The following PHTF2 variants were observed in gnomAD, a reference collection of about 807,000 sequenced individuals.
PHTF2 encodes the protein protein PHTF2.
In PHTF2, 60 loss-of-function variants were observed where a neutral mutation model predicts 101.2. The ratio of observed to expected loss-of-function variants is 0.59; its 90% confidence interval spans 0.48 to 0.73. The LOEUF (loss-of-function observed/expected upper bound fraction) is 0.73. Ranked by LOEUF, PHTF2 falls within the 30% of genes least tolerant of loss-of-function variation. The probability of loss-of-function intolerance (pLI) is 0.00; values close to 1 mark genes in which losing one functional copy is unlikely to be tolerated. For missense variants in PHTF2, 747 were observed against 908.7 expected, an observed-to-expected ratio of 0.82 and a Z score of 2.29; for synonymous variants, 311 against 307.3, an observed-to-expected ratio of 1.01 and a Z score of -0.13.
At chr7:77,827,134 TA>T (rs1794746204) in intron 1 of PHTF2, among the ~76,000 whole-genome samples, 1 of 152,200 alleles carries the variant, frequency 6.6e-6, no homozygotes, top group Non-Finnish European at 1.5e-5. Context: ...AACATGTAGA[TA>T]AAAGTTAAAA....
At chr7:77,847,541 A>G (rs1178436911) in intron 2 of PHTF2, among the ~76,000 whole-genome samples, 1 of 152,210 alleles carries the variant, frequency 6.6e-6, no homozygotes, top group African/African-American at 2.4e-5. Context: ...TTGTGACAGA[A>G]TAAGTCAACT....
At chr7:77,804,087 A>T (rs1286362372) in intron 1 of PHTF2, among the ~76,000 whole-genome samples, 5 of 152,212 alleles carry the variant, frequency 3.3e-5, no homozygotes, top group African/African-American at 1.2e-4. Flanking sequence ...TTCTTTGACA[A>T]GGAAAAGCTA....
Position 77,910,240 on chromosome 7 carries a change from T to C in PHTF2, c.612-5T>C, listed in dbSNP as rs775500371. ...GCCTTCCATTCTTAATCTCTTCTGA[T>C]GAAGGAAATTAAGAAAAGCAGCCCA... is the stretch of plus-strand genomic sequence containing the variant. On this transcript the variant is annotated splice_region_variant and splice_polypyrimidine_tract_variant and intron_variant, in intron 8 of 19. Coordinates refer to ENST00000416283, the Ensembl canonical transcript of PHTF2. The C allele has an allele frequency of 3.1e-6, 5 of 1,609,266 alleles. No homozygotes were observed. The highest frequency in any genetic ancestry group is 4.2e-6 in the Non-Finnish European group (5 of 1,177,414).
rs1386451652 is a variant in PHTF2 at position 77,929,248 on chromosome 7, G to T, written c.1259G>T (p.Cys420Phe). Residue 420 changes from cysteine (C) to phenylalanine (F), a missense_variant, in exon 12 of 20, where the codon TGT becomes TTT. Cys to Phe is a radical substitution (Grantham distance 205). Coordinates refer to ENST00000416283, the Ensembl canonical transcript of PHTF2. ...CATTGTGCAGAATGCCATTCATCTTGTACCAGTGAGACAGATGTGGAAAAT... is the reference window on the plus strand; with the variant it reads ...CATTGTGCAGAATGCCATTCATCTTTTACCAGTGAGACAGATGTGGAAAAT... 3 of 1,610,802 alleles carry T rather than the reference G, an allele frequency of 1.9e-6. No homozygotes were observed. In the Admixed American group the frequency reaches 5.0e-5, roughly 27 times the overall value.
exon 11 of PHTF2, chr7:77,922,665 A>T: frequency 6.2e-7 from 1 of 1,610,856 alleles, no homozygotes; most frequent in Non-Finnish European, 8.5e-7. Flanking sequence ...TGAAGTCTCC[A>T]GTGAGGAAGG....
At position 77,893,976 on chromosome 7, in the gene PHTF2, G is replaced by A. The variant is rs1562923970; in HGVS notation, c.205-6G>A. 1 of 1,597,188 alleles carries A rather than the reference G, an allele frequency of 6.3e-7. No homozygotes were observed. Among genetic ancestry groups the A allele is most frequent in the Non-Finnish European group, 8.6e-7 (1 of 1,164,916 alleles). ...TCCCTTTTGATGCTGTCATTGCTCT[G>A]TACAGTTTATTAAACTGGTAAGTGT... On this transcript the variant is annotated splice_region_variant and splice_polypyrimidine_tract_variant and intron_variant, in intron 4 of 19. Transcript: ENST00000416283.
chr7:77,925,508 T>G (rs1176711107), intron 11 of PHTF2, among the ~76,000 whole-genome samples: 1 of 128,768 alleles, frequency 7.8e-6, no homozygotes, highest in Non-Finnish European at 1.7e-5. Flanking sequence ...TTTTTTTTTT[T>G]TTTTTTTTTT....
At chr7:77,861,573 T>C (rs2150674237) in intron 3 of PHTF2, among the ~76,000 whole-genome samples, 1 of 152,340 alleles carries the variant, frequency 6.6e-6, no homozygotes, top group South Asian at 2.1e-4. Flanking sequence ...CTGTCCTTTA[T>C]TGTGAGTTCT....
intron 5 of PHTF2, among the ~76,000 whole-genome samples, chr7:77,897,623 T>A (rs1800992727): frequency 6.6e-6 from 1 of 152,122 alleles, no homozygotes; most frequent in Non-Finnish European, 1.5e-5. Context: ...GTGAATGTGG[T>A]TTACCCCAAG....
chr7:77,917,342 A>G (rs1803022429), intron 9 of PHTF2, among the ~76,000 whole-genome samples: 1 of 152,196 alleles, frequency 6.6e-6, no homozygotes, highest in Non-Finnish European at 1.5e-5. Flanking sequence ...AGAGTAGTAT[A>G]TAGAAACCAA....
chr7:77,932,886 G>A (rs892604732), intron 12 of PHTF2, among the ~76,000 whole-genome samples: 3 of 152,006 alleles, frequency 2.0e-5, no homozygotes, highest in African/African-American at 7.3e-5. Flanking sequence ...TACAACCTGT[G>A]GTAATGTAGT....
intron 1 of PHTF2, among the ~76,000 whole-genome samples, chr7:77,829,170 G>A (rs1320634567): frequency 6.6e-6 from 1 of 152,174 alleles, no homozygotes; most frequent in Non-Finnish European, 1.5e-5. Flanking sequence ...GGCAGAGTGA[G>A]ACCCTGTCTC....
At chr7:77,944,331 T>C (rs189280844) in intron 16 of PHTF2, among the ~76,000 whole-genome samples, 44 of 152,128 alleles carry the variant, frequency 2.9e-4, no homozygotes, top group Admixed American at 1.7e-3. Context: ...CAGTGAAAAG[T>C]TGGATAAGAA....
chr7:77,849,768 T>G (rs529676718), intron 2 of PHTF2, among the ~76,000 whole-genome samples: 1 of 152,218 alleles, frequency 6.6e-6, no homozygotes, highest in African/African-American at 2.4e-5. Context: ...TATCTGCAGC[T>G]ATTGTAAATG....
At chr7:77,929,972 A>G (rs527650244) in intron 12 of PHTF2, among the ~76,000 whole-genome samples, 88 of 112,534 alleles carry the variant, frequency 7.8e-4, no homozygotes, top group African/African-American at 3.1e-3. Flanking sequence ...TTTTTTTGAG[A>G]TGGAGTCTGT....
chr7:77,800,952 TACC>T (rs1163434874), intron 1 of PHTF2, among the ~76,000 whole-genome samples: 1 of 152,222 alleles, frequency 6.6e-6, no homozygotes, highest in Non-Finnish European at 1.5e-5. Flanking sequence ...TATACTTTAT[TACC>T]ACAATAAAAT....
intron 2 of PHTF2, among the ~76,000 whole-genome samples, chr7:77,851,518 G>A (rs968367379): frequency 2.3e-4 from 35 of 148,996 alleles, no homozygotes; most frequent in African/African-American, 8.6e-4. Context: ...CTAAAGGTTT[G>A]TTGATTATTT....
At chr7:77,946,323 A>C (rs1398915634) in intron 16 of PHTF2, among the ~76,000 whole-genome samples, 1 of 152,234 alleles carries the variant, frequency 6.6e-6, no homozygotes, top group Non-Finnish European at 1.5e-5. Flanking sequence ...TGGAGCAAGC[A>C]TTATACATAA....
chr7:77,937,235 C>G (rs1051279310), intron 12 of PHTF2, among the ~76,000 whole-genome samples: 6 of 152,120 alleles, frequency 3.9e-5, no homozygotes, highest in Admixed American at 6.5e-5. Context: ...ATTCAAATCT[C>G]AGCTGTCATA....
Sources: allele counts gnomAD v4.1 joint callset (sites outside exome capture counted in the v4.1 genomes callset), GRCh38; gene constraint gnomAD v4.1.1; transcripts MANE v1.5; gene names NCBI Gene and HGNC (gene_info 2026-07-23, HGNC 2026-07-21).